GOLT1B: variants seen among roughly 807,000 people sequenced by gnomAD.
GOLT1B encodes the protein vesicle transport protein GOT1B.
GOLT1B carries 3 observed loss-of-function variants against 15.4 expected under a neutral mutation model. The ratio of observed to expected loss-of-function variants is 0.19; its 90% confidence interval spans 0.09 to 0.50. GOLT1B has a LOEUF of 0.50. Ranked by LOEUF, GOLT1B falls within the 20% of genes least tolerant of loss-of-function variation. The probability of loss-of-function intolerance (pLI) is 0.97; values close to 1 mark genes in which losing one functional copy is unlikely to be tolerated. For synonymous variants in GOLT1B, 65 were observed against 56.2 expected (o/e 1.16, Z -0.70); for missense variants, 145 against 160.4 (o/e 0.90, Z 0.52).
rs781769142 is a variant in GOLT1B, at chr12:21,506,993, A to C, written c.117+17A>C. ...ATTGGAAATGTGAGTTTTTAAATAT[A>C]TATTTTAACTAAATTTATAAGGAAA... On this transcript the variant is annotated intron_variant, in intron 2 of 4. Transcript: ENST00000229314. 2.1e-6 allele frequency: 2 copies of C among 958,444 alleles called. No homozygotes were observed. The highest frequency in any genetic ancestry group is 3.7e-5 in the Admixed American group (2 of 53,418). The allele number at this position is 958,444 out of a possible 1,614,324, so 59.4% of individuals were successfully genotyped here.
intron 3 of GOLT1B, among the ~76,000 whole-genome samples, chr12:21,509,917 T>C (rs988874438): frequency 2.6e-5 from 4 of 152,214 alleles, no homozygotes; most frequent in African/African-American, 2.4e-5. Flanking sequence ...TTACAAACTT[T>C]CTTTGATGAC....
intron 3 of GOLT1B, 36 bp downstream of exon 3, chr12:21,508,597 G>A (rs769141819): frequency 1.0e-6 from 1 of 988,520 alleles, no homozygotes; most frequent in South Asian, 1.4e-5. Flanking sequence ...GTAAATCAGT[G>A]TGTCAGATAG....
At chr12:21,510,874 C>G (rs1481740242) in intron 3 of GOLT1B, among the ~76,000 whole-genome samples, 3 of 152,154 alleles carry the variant, frequency 2.0e-5, no homozygotes, top group African/African-American at 4.8e-5. Context: ...ATTTTCATCC[C>G]TATCTAACTC....
intron 1 of GOLT1B, among the ~76,000 whole-genome samples, chr12:21,506,261 C>T (rs1052466938): frequency 2.6e-5 from 4 of 151,922 alleles, no homozygotes; most frequent in African/African-American, 9.7e-5. Flanking sequence ...TAGATAAGTC[C>T]ATAATAAGTA....
chr12:21,506,379 A>G (rs1280356654), intron 1 of GOLT1B, among the ~76,000 whole-genome samples: 1 of 152,058 alleles, frequency 6.6e-6, no homozygotes, highest in Non-Finnish European at 1.5e-5. Context: ...AGCAGTATAT[A>G]ATTGGATAAA....
At chr12:21,512,413 G>T (rs201364607) in intron 4 of GOLT1B, 37 bp downstream of exon 4, 1 of 920,544 alleles carries the variant, frequency 1.1e-6, no homozygotes, top group South Asian at 1.4e-5. Context: ...AACAAAATAC[G>T]TATTTTGATG....
At position 21,518,237 on chromosome 12, in the gene GOLT1B, T is replaced by C. The variant is rs1943769925; in HGVS notation, c.*2530T>C. ...GCAAAATAACCTCATTTTTAAAAAATTAGCCTTATATGCAGTGTTCTATTT... is the reference window on the plus strand; with the variant it reads ...GCAAAATAACCTCATTTTTAAAAAACTAGCCTTATATGCAGTGTTCTATTT... On this transcript the variant is annotated 3_prime_UTR_variant, in exon 5 of 5. Coordinates refer to ENST00000229314, the MANE Select transcript of GOLT1B (RefSeq NM_016072.5). The C allele has an allele frequency of 6.6e-6, 1 of 152,154 alleles. No homozygotes were observed. Among genetic ancestry groups the C allele is most frequent in the African/African-American group, 2.4e-5 (1 of 41,458 alleles). The allele number at this position is 152,154 out of a possible 1,614,324, so 9.4% of individuals were successfully genotyped here.
intron 4 of GOLT1B, among the ~76,000 whole-genome samples, chr12:21,513,317 C>T (rs1277770129): frequency 2.6e-5 from 4 of 152,036 alleles, no homozygotes; most frequent in Non-Finnish European, 4.4e-5. Flanking sequence ...ACAAATGTTT[C>T]GTACTAAACT....
Position 21,508,476 on chromosome 12 carries a change from T to A in GOLT1B, c.211T>A (p.Phe71Ile), listed in dbSNP as rs1226964052. Reference sequence around the variant, plus strand: ...ACATAAAATGAAAGCTACAGGTTTTTTTCTGGGTGGTGTATTTGTAGTCCT... The same window carrying A: ...ACATAAAATGAAAGCTACAGGTTTTATTCTGGGTGGTGTATTTGTAGTCCT... ...QKHKMKATGFFLGGVFVVLIG... is the reference protein window; with the variant it reads ...QKHKMKATGFILGGVFVVLIG... Residue 71 changes from phenylalanine to isoleucine, a missense_variant, in exon 3 of 5, where the codon TTT becomes ATT. Transcript: ENST00000229314. 1.9e-6 allele frequency: 3 copies of A among 1,591,396 alleles called. No homozygotes were observed. The highest frequency in any genetic ancestry group is 2.6e-6 in the Non-Finnish European group (3 of 1,160,226).
At chr12:21,509,008 T>C (rs1476521466) in intron 3 of GOLT1B, among the ~76,000 whole-genome samples, 1 of 152,170 alleles carries the variant, frequency 6.6e-6, no homozygotes, top group East Asian at 1.9e-4. Context: ...TATTAGAAGA[T>C]TGTTTACCAA....
At chr12:21,512,492 T>G (rs914258657) in intron 4 of GOLT1B, 116 bp downstream of exon 4, 1 of 661,866 alleles carries the variant, frequency 1.5e-6, no homozygotes, top group Non-Finnish European at 2.7e-6. Context: ...ATGATATAGT[T>G]ACTTCACATA....
Position 21,517,764 on chromosome 12 carries a change from C to G in GOLT1B, c.*2057C>G, listed in dbSNP as rs2136813705. On this transcript the variant is annotated 3_prime_UTR_variant, in exon 5 of 5. Coordinates refer to ENST00000229314, the MANE Select transcript of GOLT1B (RefSeq NM_016072.5). ...TTTTAAATGAGTCTGCAGTTAATATCAAATGTGAGTTTGGGACTGCCTGGC... is the reference window on the plus strand; with the variant it reads ...TTTTAAATGAGTCTGCAGTTAATATGAAATGTGAGTTTGGGACTGCCTGGC... 6.6e-6 allele frequency: 1 copy of G among 152,546 alleles called. No individual in the cohort carries two copies. The highest frequency in any genetic ancestry group is 1.5e-5 in the Non-Finnish European group (1 of 67,950). 9.4% of individuals were successfully genotyped at this position (152,546 alleles called of 1,614,324 possible). A position where few individuals can be genotyped will look rare whatever the true frequency, so the allele number is the denominator to read the frequency against.
chr12:21,515,156 C>T, intron 4 of GOLT1B: 1 of 699,416 alleles, frequency 1.4e-6, no homozygotes, highest in Non-Finnish European at 2.5e-6. Flanking sequence ...ATCCAAAGTC[C>T]AGAATACACA....
rs1024625419 is a variant in GOLT1B at position 21,517,202 on chromosome 12, C to A, written c.*1495C>A. 1.3e-5 allele frequency: 2 copies of A among 152,386 alleles called. No individual in the cohort carries two copies. The highest frequency in any genetic ancestry group is 1.3e-4 in the Admixed American group (2 of 15,268). The allele number at this position is 152,386 out of a possible 1,614,324, so 9.4% of individuals were successfully genotyped here. On this transcript the variant is annotated 3_prime_UTR_variant, in exon 5 of 5. Transcript: ENST00000229314. ...GTTAAATCTCTTAATACACAGAGAA[C>A]TCCCAATCTTGCTCATCTAAATAAG... is the stretch of plus-strand genomic sequence containing the variant.
chr12:21,515,193 T>C, intron 4 of GOLT1B: 1 of 1,018,762 alleles, frequency 9.8e-7, no homozygotes, highest in Non-Finnish European at 1.5e-6. Flanking sequence ...TCAATAACTG[T>C]TGTTAACTAT....
intron 2 of GOLT1B, chr12:21,507,905 C>G (rs1943691040): frequency 2.2e-6 from 1 of 451,712 alleles, no homozygotes; most frequent in African/African-American, 2.0e-5. Context: ...GTTTCTTCTG[C>G]TATCAACTTA....
chr12:21,507,617 A>T (rs1591761248), intron 2 of GOLT1B, among the ~76,000 whole-genome samples: 1 of 152,020 alleles, frequency 6.6e-6, no homozygotes, highest in Admixed American at 6.6e-5. Flanking sequence ...TTCAAAATTG[A>T]TGTCTTAATA....
chr12:21,507,552 A>G (rs953888707), intron 2 of GOLT1B, among the ~76,000 whole-genome samples: 8 of 151,734 alleles, frequency 5.3e-5, no homozygotes, highest in African/African-American at 1.9e-4. Context: ...ACACACACAC[A>G]TATATATTTG....
intron 3 of GOLT1B, among the ~76,000 whole-genome samples, chr12:21,508,919 A>AGATAGATAGATAGATAGATAGATC (rs1555149887): frequency 8.6e-5 from 13 of 151,390 alleles, no homozygotes; most frequent in East Asian, 7.8e-4. Context: ...ATAGATAGAT[A>AGATAGATAGATAGATAGATAGATC]GATCCAGCAT....
Sources: allele counts gnomAD v4.1 joint callset (sites outside exome capture counted in the v4.1 genomes callset), GRCh38; gene constraint gnomAD v4.1.1; transcripts MANE v1.5; gene names NCBI Gene and HGNC (gene_info 2026-07-23, HGNC 2026-07-21).